PDE11A: variants seen among roughly 807,000 people sequenced by gnomAD.
PDE11A encodes the protein phosphodiesterase 11A, also known as dual 3',5'-cyclic-AMP and -GMP phosphodiesterase 11A.
PDE11A carries 100 observed loss-of-function variants against 100.5 expected under a neutral mutation model. The ratio of observed to expected loss-of-function variants is 1.00; its 90% confidence interval spans 0.85 to 1.18. The LOEUF (loss-of-function observed/expected upper bound fraction) is 1.18. Ranked by LOEUF, PDE11A falls within the 50% of genes most tolerant of loss-of-function variation. The pLI is 0.00. For missense variants in PDE11A, 1,141 were observed against 1,152.6 expected (o/e 0.99, Z 0.15); for synonymous variants, 381 against 420.8 (o/e 0.91, Z 1.16).
chr2:177,768,892 G>A (rs1040030367), intron 10 of PDE11A, among the ~76,000 whole-genome samples: 10 of 152,104 alleles, frequency 6.6e-5, no homozygotes, highest in African/African-American at 1.7e-4. Flanking sequence ...CAGGTAAAAC[G>A]CTTGGTAGTG....
intron 9 of PDE11A, among the ~76,000 whole-genome samples, chr2:177,794,179 CA>C (rs962678532): frequency 4.6e-5 from 7 of 152,060 alleles, no homozygotes; most frequent in Admixed American, 2.6e-4. Context: ...GGGGGCACGG[CA>C]GATTTAAATA....
At chr2:177,810,520 T>C (rs1048595837) in intron 9 of PDE11A, among the ~76,000 whole-genome samples, 1 of 152,080 alleles carries the variant, frequency 6.6e-6, no homozygotes, top group African/African-American at 2.4e-5. Flanking sequence ...TATGGCATAA[T>C]TGAAACAGAG....
chr2:177,725,641 G>A (rs1176381845), intron 12 of PDE11A, among the ~76,000 whole-genome samples: 1 of 152,076 alleles, frequency 6.6e-6, no homozygotes, highest in African/African-American at 2.4e-5. Context: ...GAAATATTCT[G>A]ACGATATGAG....
At chr2:177,768,770 TGTCATAC>T (rs1339341700) in intron 10 of PDE11A, among the ~76,000 whole-genome samples, 1 of 152,224 alleles carries the variant, frequency 6.6e-6, no homozygotes, top group Non-Finnish European at 1.5e-5. Flanking sequence ...GGGACCAGAT[TGTCATAC>T]GTCTTACAAT....
At chr2:177,789,209 C>T (rs1469441699) in intron 9 of PDE11A, among the ~76,000 whole-genome samples, 2 of 152,124 alleles carry the variant, frequency 1.3e-5, no homozygotes, top group African/African-American at 4.8e-5. Context: ...TGGGCTTCAT[C>T]CCTGGGATGC....
At chr2:178,060,937 C>CTTTTTT (rs71010855) in intron 1 of PDE11A, among the ~76,000 whole-genome samples, 12 of 75,672 alleles carry the variant, frequency 1.6e-4, no homozygotes, top group East Asian at 8.2e-4. Context: ...TGTAAATATT[C>CTTTTTT]TTTTTTTTTT....
intron 1 of PDE11A, among the ~76,000 whole-genome samples, chr2:178,015,852 A>C (rs1243682549): frequency 6.6e-6 from 1 of 152,196 alleles, no homozygotes; most frequent in African/African-American, 2.4e-5. Context: ...TCCAAGGTAG[A>C]TGATAAACTG....
chr2:177,837,261 T>C (rs2083418112), intron 6 of PDE11A, among the ~76,000 whole-genome samples: 2 of 152,210 alleles, frequency 1.3e-5, no homozygotes, highest in African/African-American at 4.8e-5. Context: ...AGAGAGGTAC[T>C]TTAGGACAGG....
chr2:177,719,334 A>C (rs1294910043), intron 12 of PDE11A, among the ~76,000 whole-genome samples: 1 of 152,140 alleles, frequency 6.6e-6, no homozygotes, highest in Non-Finnish European at 1.5e-5. Flanking sequence ...TGTACTAGAA[A>C]TTCCTAATGG....
At chr2:177,899,226 T>C (rs1020752919) in intron 3 of PDE11A, among the ~76,000 whole-genome samples, 2 of 151,954 alleles carry the variant, frequency 1.3e-5, no homozygotes, top group Non-Finnish European at 2.9e-5. Flanking sequence ...GCTAATACGG[T>C]GAAACCCCGA....
chr2:177,817,529 C>T (rs7557138), intron 8 of PDE11A, among the ~76,000 whole-genome samples: 61,642 of 151,854 alleles, frequency 0.41, 14,325 homozygotes, highest in African/African-American at 0.64. Context: ...GAGGGCAGCA[C>T]GCCTGGCAGA....
chr2:178,044,700 T>C (rs2086728079), intron 1 of PDE11A, among the ~76,000 whole-genome samples: 1 of 152,086 alleles, frequency 6.6e-6, no homozygotes, highest in South Asian at 2.1e-4. Context: ...ATTCTTACCT[T>C]TCAGACAGCA....
chr2:177,774,362 G>C (rs538916811), intron 9 of PDE11A, among the ~76,000 whole-genome samples: 2 of 152,092 alleles, frequency 1.3e-5, no homozygotes, highest in Non-Finnish European at 2.9e-5. Flanking sequence ...CTCTCCACTG[G>C]AACAGCTCGT....
intron 2 of PDE11A, among the ~76,000 whole-genome samples, chr2:177,906,786 T>C (rs1225067511): frequency 1.3e-5 from 2 of 152,198 alleles, no homozygotes; most frequent in Non-Finnish European, 2.9e-5. Context: ...TGCCAGATAT[T>C]CCATTAGAAT....
chr2:177,887,218 C>G (rs1233289893), intron 4 of PDE11A, among the ~76,000 whole-genome samples: 1 of 152,264 alleles, frequency 6.6e-6, no homozygotes, highest in East Asian at 1.9e-4. Flanking sequence ...CTCTCCCATC[C>G]AAATCAGCTG....
intron 9 of PDE11A, among the ~76,000 whole-genome samples, chr2:177,801,424 T>C (rs1324463790): frequency 6.6e-6 from 1 of 152,146 alleles, no homozygotes; most frequent in Non-Finnish European, 1.5e-5. Flanking sequence ...TCAACAAACA[T>C]TTACTCAGTG....
At chr2:178,030,961 A>C (rs991630211) in intron 1 of PDE11A, among the ~76,000 whole-genome samples, 3 of 151,426 alleles carry the variant, frequency 2.0e-5, no homozygotes, top group African/African-American at 7.2e-5. Flanking sequence ...AAATCAGACA[A>C]TACATAAAAA....
At chr2:177,942,406 A>ATT (rs34568974) in intron 2 of PDE11A, among the ~76,000 whole-genome samples, 36,008 of 136,648 alleles carry the variant, frequency 0.26, 4,589 homozygotes, top group African/African-American at 0.33. Flanking sequence ...TTTTAAAATT[A>ATT]TTTTTTTTTT....
intron 2 of PDE11A, among the ~76,000 whole-genome samples, chr2:178,095,774 C>T (rs1235182369): frequency 1.3e-5 from 2 of 152,216 alleles, no homozygotes; most frequent in Non-Finnish European, 2.9e-5. Context: ...AACCTCAATT[C>T]TTGACTTCTG....
Sources: gnomAD v4.1 joint callset for allele counts (sites outside exome capture counted in the v4.1 genomes callset) on GRCh38, gnomAD v4.1.1 for gene constraint, MANE v1.5 for transcripts, NCBI Gene and HGNC (gene_info 2026-07-23, HGNC 2026-07-21) for gene names.